RSRC1: variants seen among roughly 807,000 people sequenced by gnomAD.
RSRC1 encodes arginine and serine rich coiled-coil 1, also known as serine/Arginine-related protein 53.
A neutral mutation model predicts 49.1 loss-of-function variants in RSRC1; 39 were observed. The observed-to-expected ratio is 0.79, with a 90% confidence interval of 0.61 to 1.04. The LOEUF (loss-of-function observed/expected upper bound fraction) is 1.04. RSRC1 is among the 50% of genes least tolerant of loss of function. The pLI is 0.00. For missense variants in RSRC1, 388 were observed against 402.4 expected, an observed-to-expected ratio of 0.96 and a Z score of 0.31; for synonymous variants, 143 against 130.8, an observed-to-expected ratio of 1.09 and a Z score of -0.63.
chr3:158,265,585 C>G (rs1246964596), intron 4 of RSRC1, among the ~76,000 whole-genome samples: 1 of 151,644 alleles, frequency 6.6e-6, no homozygotes, highest in East Asian at 1.9e-4. Context: ...GAGCTGAGAT[C>G]ATGCCATTGC....
rs1183985716 is a variant in RSRC1 at position 158,213,717 on chromosome 3, G to T, written c.494+10472G>T. On this transcript the variant is annotated intron_variant, in intron 4 of 9. Transcript: ENST00000611884. Reference sequence around the variant, plus strand: ...TGAAAATCAATTTGGTTGTCATGTTGCAGCCTTAGCTTCTTTTTCTTGAGA... The same window carrying T: ...TGAAAATCAATTTGGTTGTCATGTTTCAGCCTTAGCTTCTTTTTCTTGAGA... Among the ~76,000 whole-genome samples, 3 of 151,892 alleles carry T rather than the reference G, an allele frequency of 2.0e-5. No individual in the cohort carries two copies. In the East Asian group the frequency reaches 5.8e-4, roughly 29 times the overall value.
intron 3 of RSRC1, among the ~76,000 whole-genome samples, chr3:158,128,324 G>C (rs1240329585): frequency 1.3e-5 from 2 of 152,174 alleles, no homozygotes; most frequent in African/African-American, 4.8e-5. Context: ...TTATTTCAGT[G>C]AGGTTGTACT....
intron 2 of RSRC1, 90 bp from the exon 3 acceptor site, chr3:158,123,776 C>A: frequency 8.1e-7 from 1 of 1,228,966 alleles, no homozygotes; most frequent in Non-Finnish European, 1.1e-6. Flanking sequence ...CAGTAAAAAT[C>A]AGATGATTCT....
chr3:158,516,381 T>TG (rs1483844548), intron 7 of RSRC1, among the ~76,000 whole-genome samples: 2 of 152,028 alleles, frequency 1.3e-5, no homozygotes, highest in Non-Finnish European at 2.9e-5. Flanking sequence ...GTGCCCCTGC[T>TG]GGGGGGTGCC....
At chr3:158,512,758 T>C (rs1162898422) in intron 7 of RSRC1, among the ~76,000 whole-genome samples, 1 of 151,734 alleles carries the variant, frequency 6.6e-6, no homozygotes, top group Non-Finnish European at 1.5e-5. Context: ...CATGGAATAT[T>C]CTTCCATTTG....
rs1384860347 is a variant in RSRC1, at chr3:158,203,228, A to G, written c.477A>G (p.Leu159=). The change falls in exon 4 of 10, where the codon TTA becomes TTG. Residue 159 remains leucine, a synonymous_variant. Coordinates refer to ENST00000611884, the MANE Select transcript of RSRC1 (RefSeq NM_001271838.2). The part of the protein sequence containing the change: ...KEKDKGKDKE[L]HNIKRGESGN... ...AGGATAAAGGGAAGGACAAGGAATTACATAACATCAAACGTGGGTAAGTTG... is the reference window on the plus strand; with the variant it reads ...AGGATAAAGGGAAGGACAAGGAATTGCATAACATCAAACGTGGGTAAGTTG... The G allele has an allele frequency of 6.3e-6, 10 of 1,594,660 alleles. No homozygotes were observed. Among genetic ancestry groups the G allele is most frequent in the Non-Finnish European group, 8.5e-6 (10 of 1,169,904 alleles).
intron 5 of RSRC1, among the ~76,000 whole-genome samples, chr3:158,328,913 T>C (rs1729366702): frequency 1.3e-5 from 2 of 152,234 alleles, no homozygotes; most frequent in Admixed American, 6.5e-5. Flanking sequence ...TAGTCCCATA[T>C]TTCTTGGAGG....
At chr3:158,417,577 G>A (rs1486194711) in intron 6 of RSRC1, among the ~76,000 whole-genome samples, 1 of 151,878 alleles carries the variant, frequency 6.6e-6, no homozygotes, top group Non-Finnish European at 1.5e-5. Context: ...TAGGTCATTT[G>A]CAAATTTTAT....
chr3:158,141,908 G>A (rs572144392), intron 3 of RSRC1, among the ~76,000 whole-genome samples: 1 of 152,212 alleles, frequency 6.6e-6, no homozygotes, highest in African/African-American at 2.4e-5. Flanking sequence ...GACCAGCCTG[G>A]CCAATATGGT....
At chr3:158,454,054 AT>A (rs1188715812) in intron 6 of RSRC1, among the ~76,000 whole-genome samples, 8 of 151,910 alleles carry the variant, frequency 5.3e-5, no homozygotes, top group African/African-American at 1.9e-4. Context: ...TTTCACCACA[AT>A]TTGCTTATGT....
chr3:158,375,871 A>C (rs55969621), intron 6 of RSRC1, among the ~76,000 whole-genome samples: 1 of 152,016 alleles, frequency 6.6e-6, no homozygotes, highest in Admixed American at 6.6e-5. Context: ...ACAATTTTTA[A>C]TGAGCGTCTT....
At chr3:158,477,606 G>A (rs6780896) in intron 7 of RSRC1, among the ~76,000 whole-genome samples, 78,392 of 151,008 alleles carry the variant, frequency 0.52, 20,928 homozygotes, top group African/African-American at 0.64. Flanking sequence ...AGACTATAGT[G>A]TAGTGTAAAC....
chr3:158,250,471 G>A (rs1172322853), intron 4 of RSRC1, among the ~76,000 whole-genome samples: 1 of 152,114 alleles, frequency 6.6e-6, no homozygotes, highest in Non-Finnish European at 1.5e-5. Flanking sequence ...ATACTCACCA[G>A]CATTTGTTAT....
chr3:158,348,318 A>T (rs1169346149), intron 5 of RSRC1, among the ~76,000 whole-genome samples: 1 of 152,220 alleles, frequency 6.6e-6, no homozygotes, highest in Admixed American at 6.5e-5. Flanking sequence ...TATGTAAACT[A>T]GTTTATATAA....
At chr3:158,416,310 G>A (rs751881897) in intron 6 of RSRC1, among the ~76,000 whole-genome samples, 5 of 152,034 alleles carry the variant, frequency 3.3e-5, no homozygotes, top group Non-Finnish European at 5.9e-5. Flanking sequence ...GACTGGGCCT[G>A]TGTCCCCTTC....
intron 3 of RSRC1, among the ~76,000 whole-genome samples, chr3:158,199,196 C>T (rs1290093524): frequency 2.6e-5 from 4 of 151,880 alleles, no homozygotes; most frequent in African/African-American, 9.7e-5. Context: ...ACTTGCTACT[C>T]CTTGCCTTCC....
In RSRC1 at chr3:158,304,936, A is replaced by G. The variant is rs141982138; in HGVS notation, c.531+6861A>G. On this transcript the variant is annotated intron_variant, in intron 5 of 9. Transcript: ENST00000611884. ...TTAATGTGGATAAAATGTTAATGTCATGTTAATGTCATATTACTGTCATAA... is the reference window on the plus strand; with the variant it reads ...TTAATGTGGATAAAATGTTAATGTCGTGTTAATGTCATATTACTGTCATAA... Among the ~76,000 whole-genome samples the G allele has an allele frequency of 1.4e-3, 215 of 152,260 alleles. 2 individuals are homozygous for G. The highest frequency in any genetic ancestry group is 4.9e-3 in the African/African-American group (203 of 41,570).
chr3:158,167,846 C>T (rs575219075), intron 3 of RSRC1, among the ~76,000 whole-genome samples: 1 of 152,244 alleles, frequency 6.6e-6, no homozygotes, highest in African/African-American at 2.4e-5. Context: ...CAGCCATGCA[C>T]ATTGGGGCTT....
intron 7 of RSRC1, among the ~76,000 whole-genome samples, chr3:158,522,168 T>C (rs1453246313): frequency 6.6e-6 from 1 of 152,148 alleles, no homozygotes; most frequent in Non-Finnish European, 1.5e-5. Flanking sequence ...ATAGGTCTTA[T>C]TATCATATAA....
Sources: allele counts gnomAD v4.1 joint callset (sites outside exome capture counted in the v4.1 genomes callset), GRCh38; gene constraint gnomAD v4.1.1; transcripts MANE v1.5; gene names NCBI Gene and HGNC (gene_info 2026-07-23, HGNC 2026-07-21).